C1orf146: variants seen among roughly 807,000 people sequenced by gnomAD.
C1orf146 encodes the protein protein SPO16 homolog.
C1orf146 carries 22 observed loss-of-function variants against 23.0 expected under a neutral mutation model. That is an observed-to-expected ratio of 0.96 (90% CI 0.68 to 1.36). C1orf146 has a LOEUF of 1.36. C1orf146 is among the 40% of genes most tolerant of loss of function. The pLI, the probability that C1orf146 is intolerant of heterozygous loss-of-function variation, is 0.00. For synonymous variants in C1orf146, 59 were observed against 65.3 expected (o/e 0.90, Z 0.47); for missense variants, 199 against 206.8 (o/e 0.96, Z 0.23).
chr1:92,218,599 C>T (rs1365323510), intron 1 of C1orf146, among the ~76,000 whole-genome samples: 2 of 152,040 alleles, frequency 1.3e-5, no homozygotes, highest in Non-Finnish European at 2.9e-5. Flanking sequence ...AGTCCGTGTG[C>T]AGGTGTGTTA....
intron 1 of C1orf146, among the ~76,000 whole-genome samples, chr1:92,223,204 A>G (rs1366298777): frequency 4.6e-5 from 7 of 152,190 alleles, no homozygotes; most frequent in Admixed American, 2.0e-4. Flanking sequence ...ATATCATGGT[A>G]AGTATATGAT....
At chr1:92,235,321 A>G (rs532022573) in intron 2 of C1orf146, among the ~76,000 whole-genome samples, 1 of 152,000 alleles carries the variant, frequency 6.6e-6, no homozygotes, top group African/African-American at 2.4e-5. Flanking sequence ...CTTTGTTCTC[A>G]TTGGTTTCAA....
In C1orf146 at chr1:92,225,648, CTT is replaced by C. The variant is rs201826130; in HGVS notation, c.-39-5731_-39-5730del. On this transcript the variant is annotated intron_variant, in intron 1 of 5. Coordinates refer to ENST00000370375, the MANE Select transcript of C1orf146 (RefSeq NM_001012425.2). ...TTTAATTTTATTGTAGTTTGTATGA[CTT>C]TTGTTTCATGTATTTTGGAGGTCTG... Among the ~76,000 whole-genome samples, 906 of 151,820 alleles carry C rather than the reference CTT, an allele frequency of 6.0e-3. 9 individuals carry two copies. Among genetic ancestry groups the C allele is most frequent in the African/African-American group, 0.021 (862 of 41,386 alleles).
At position 92,228,104 on chromosome 1, in the gene C1orf146, A is replaced by T. The variant is rs529813585; in HGVS notation, c.-39-3278A>T. ...TGTTCTTTATCCTTTTGCTTAACCT[A>T]CCTCAGTCTGGATATTTTCCTCTGA... On this transcript the variant is annotated intron_variant, in intron 1 of 5. Coordinates refer to ENST00000370375, the MANE Select transcript of C1orf146 (RefSeq NM_001012425.2). 2.6e-5 allele frequency among the ~76,000 whole-genome samples: 4 copies of T among 152,016 alleles called. No homozygotes were observed. In the East Asian group the frequency reaches 7.7e-4, roughly 29 times the overall value.
In C1orf146 at chr1:92,237,138, A is replaced by G. The variant is rs553272545; in HGVS notation, c.67-5074A>G. On this transcript the variant is annotated intron_variant, in intron 2 of 5. Coordinates refer to ENST00000370375, the MANE Select transcript of C1orf146 (RefSeq NM_001012425.2). ...GTCATTCTCTGTCCAGCTTTGTTCCATTGCTGGTGAGGAACTGTGATCCTT... is the reference window on the plus strand; with the variant it reads ...GTCATTCTCTGTCCAGCTTTGTTCCGTTGCTGGTGAGGAACTGTGATCCTT... Among the ~76,000 whole-genome samples the G allele has an allele frequency of 1.4e-4, 22 of 152,110 alleles. No individual in the cohort carries two copies. In the Middle Eastern group the frequency reaches 0.017, roughly 118 times the overall value.
At chr1:92,220,336 A>G (rs1651789895) in intron 1 of C1orf146, among the ~76,000 whole-genome samples, 1 of 152,204 alleles carries the variant, frequency 6.6e-6, no homozygotes, top group Non-Finnish European at 1.5e-5. Context: ...TAATCTGGGT[A>G]TATACACATA....
At chr1:92,227,493 C>G (rs1651997150) in intron 1 of C1orf146, among the ~76,000 whole-genome samples, 1 of 152,078 alleles carries the variant, frequency 6.6e-6, no homozygotes, top group Admixed American at 6.5e-5. Flanking sequence ...GAGCCGAGAT[C>G]ACGCCACTGC....
chr1:92,242,766 A>G (rs11588153), intron 3 of C1orf146, among the ~76,000 whole-genome samples: 39,677 of 152,104 alleles, frequency 0.26, 6,554 homozygotes, highest in Non-Finnish European at 0.35. Flanking sequence ...AACTGATATA[A>G]CTGTTAGTCA....
At chr1:92,228,270 CA>C (rs1479429405) in intron 1 of C1orf146, among the ~76,000 whole-genome samples, 1 of 152,174 alleles carries the variant, frequency 6.6e-6, no homozygotes, top group African/African-American at 2.4e-5. Context: ...CTCCAATTGT[CA>C]TATACTGCTT....
At chr1:92,220,352 A>G (rs1027403806) in intron 1 of C1orf146, among the ~76,000 whole-genome samples, 1 of 152,230 alleles carries the variant, frequency 6.6e-6, no homozygotes, top group Non-Finnish European at 1.5e-5. Context: ...ACATACAGTC[A>G]TGCATTGCTT....
In C1orf146 at chr1:92,218,036, A is replaced by T. The variant is rs894970720; in HGVS notation, c.-52A>T. ...GGGAAACCCTGAGCGGTCTCTGAGG[A>T]CCTGGTGAGCAGGTGGGTTTGCAGC... On this transcript the variant is annotated 5_prime_UTR_variant, in exon 1 of 6. Coordinates refer to ENST00000370375, the MANE Select transcript of C1orf146 (RefSeq NM_001012425.2). 3.9e-5 allele frequency: 6 copies of T among 152,382 alleles called. No individual in the cohort carries two copies. Among genetic ancestry groups the T allele is most frequent in the African/African-American group, 1.4e-4 (6 of 41,566 alleles). 9.4% of individuals were successfully genotyped at this position (152,382 alleles called of 1,614,324 possible). A position where few individuals can be genotyped will look rare whatever the true frequency, so the allele number is the denominator to read the frequency against.
chr1:92,229,644 C>T (rs774036791), intron 1 of C1orf146, among the ~76,000 whole-genome samples: 7 of 152,100 alleles, frequency 4.6e-5, no homozygotes, highest in Non-Finnish European at 1.0e-4. Context: ...AGAAACAAAA[C>T]CTACTAACCA....
chr1:92,242,456 G>A, intron 3 of C1orf146, 151 bp downstream of exon 3: 1 of 388,314 alleles, frequency 2.6e-6, no homozygotes. Flanking sequence ...AGTCCATATG[G>A]CCAATTCCAA....
At chr1:92,238,700 T>C (rs922997764) in intron 2 of C1orf146, among the ~76,000 whole-genome samples, 1 of 152,206 alleles carries the variant, frequency 6.6e-6, no homozygotes, top group African/African-American at 2.4e-5. Context: ...ATGATATTTA[T>C]GGGTGCTCAT....
chr1:92,237,492 C>A (rs979270824), intron 2 of C1orf146, among the ~76,000 whole-genome samples: 1 of 152,138 alleles, frequency 6.6e-6, no homozygotes, highest in East Asian at 1.9e-4. Flanking sequence ...AGTACCCGGC[C>A]GTATGAGGTG....
chr1:92,235,024 C>T (rs1335455346), intron 2 of C1orf146, among the ~76,000 whole-genome samples: 1 of 151,992 alleles, frequency 6.6e-6, no homozygotes, highest in Non-Finnish European at 1.5e-5. Flanking sequence ...GTCTTGCTAG[C>T]GGTCTATCAA....
intron 1 of C1orf146, among the ~76,000 whole-genome samples, chr1:92,219,761 C>T (rs1651775891): frequency 6.6e-6 from 1 of 152,034 alleles, no homozygotes; most frequent in African/African-American, 2.4e-5. Flanking sequence ...CTTAAGCAAT[C>T]CTCCTGCTTC....
chr1:92,227,893 T>A (rs1652008506), intron 1 of C1orf146, among the ~76,000 whole-genome samples: 2 of 152,180 alleles, frequency 1.3e-5, no homozygotes, highest in Non-Finnish European at 2.9e-5. Context: ...CTGTTCAGAT[T>A]TATTATTGCT....
chr1:92,245,263 C>T (rs746498564), intron 5 of C1orf146, among the ~76,000 whole-genome samples: 1 of 152,152 alleles, frequency 6.6e-6, no homozygotes, highest in Admixed American at 6.5e-5. Flanking sequence ...CACCTCCAAC[C>T]CCCTAGGCAG....
Sources: gnomAD v4.1 joint callset for allele counts (sites outside exome capture counted in the v4.1 genomes callset) on GRCh38, gnomAD v4.1.1 for gene constraint, MANE v1.5 for transcripts, NCBI Gene and HGNC (gene_info 2026-07-23, HGNC 2026-07-21) for gene names.